Variants in GDAP1 observed in about 807,000 individuals in gnomAD.
GDAP1 encodes ganglioside-induced differentiation-associated protein 1.
Under a neutral mutation model 40.1 loss-of-function variants are expected in GDAP1, and 34 were observed. That is an observed-to-expected ratio of 0.85 (90% CI 0.64 to 1.13). GDAP1 has a LOEUF of 1.13. Among genes scored for constraint, GDAP1 ranks in the 50% most tolerant of loss-of-function variants. GDAP1 has a pLI of 0.00. For synonymous variants in GDAP1, 170 were observed against 157.4 expected, an observed-to-expected ratio of 1.08 and a Z score of -0.60; for missense variants, 374 against 433.7, an observed-to-expected ratio of 0.86 and a Z score of 1.22.
intron 2 of GDAP1, among the ~76,000 whole-genome samples, chr8:74,461,487 A>G (rs1806399690): frequency 6.6e-6 from 1 of 152,240 alleles, no homozygotes; most frequent in Non-Finnish European, 1.5e-5. Flanking sequence ...TTGCCTAAAA[A>G]TAACAACACA....
intron 2 of GDAP1, among the ~76,000 whole-genome samples, chr8:74,477,578 T>G (rs966439292): frequency 2.1e-4 from 32 of 152,178 alleles, no homozygotes; most frequent in African/African-American, 6.8e-4. Context: ...TCAGGACTCC[T>G]AGGCTGTATT....
chr8:74,438,554 G>A (rs990953056), intron 2 of GDAP1, among the ~76,000 whole-genome samples: 3 of 152,184 alleles, frequency 2.0e-5, no homozygotes, highest in Admixed American at 6.5e-5. Context: ...CTTTCCTGAT[G>A]TGTATGTAAA....
intron 2 of GDAP1, among the ~76,000 whole-genome samples, chr8:74,380,048 C>T (rs758855263): frequency 2.0e-5 from 3 of 152,086 alleles, no homozygotes; most frequent in East Asian, 1.9e-4. Context: ...GTGGATTGAC[C>T]GCAGTTTTGA....
intron 2 of GDAP1, among the ~76,000 whole-genome samples, chr8:74,443,794 TTC>T (rs1317011776): frequency 6.6e-6 from 1 of 152,128 alleles, no homozygotes; most frequent in Admixed American, 6.5e-5. Context: ...TGGATCCTCA[TTC>T]CTCACCATTC....
chr8:74,388,217 C>G (rs1361123491), intron 2 of GDAP1, among the ~76,000 whole-genome samples: 1 of 152,074 alleles, frequency 6.6e-6, no homozygotes, highest in Non-Finnish European at 1.5e-5. Flanking sequence ...TTGTCTTCTG[C>G]TAGCTTTTGA....
intron 2 of GDAP1, among the ~76,000 whole-genome samples, chr8:74,358,878 T>C (rs1315747618): frequency 6.6e-6 from 1 of 152,212 alleles, no homozygotes; most frequent in Non-Finnish European, 1.5e-5. Context: ...TCCATGGCAA[T>C]ATCAGGAGTG....
chr8:74,471,455 TTA>T (rs869119673), intron 2 of GDAP1, among the ~76,000 whole-genome samples: 3 of 138,972 alleles, frequency 2.2e-5, no homozygotes, highest in East Asian at 2.1e-4. Context: ...CCTTTTTTTT[TTA>T]AAAAAAATAA....
intron 2 of GDAP1, among the ~76,000 whole-genome samples, chr8:74,393,879 G>A (rs940884791): frequency 6.6e-6 from 1 of 152,118 alleles, no homozygotes; most frequent in African/African-American, 2.4e-5. Flanking sequence ...AACCCTGAAG[G>A]TGGTAGACAC....
At chr8:74,368,819 G>T (rs189342893), downstream of GDAP1, among the ~76,000 whole-genome samples, 138 of 152,260 alleles carry the variant, frequency 9.1e-4, 1 homozygote, top group Non-Finnish European at 9.6e-4. Flanking sequence ...TATCCTGTGT[G>T]TTGTAGGATG....
intron 2 of GDAP1, among the ~76,000 whole-genome samples, chr8:74,393,742 A>G (rs956595589): frequency 2.0e-5 from 3 of 152,214 alleles, no homozygotes; most frequent in Admixed American, 6.5e-5. Flanking sequence ...GAAAAAAACT[A>G]TTGTAAACCT....
At chr8:74,463,029 G>T (rs930858637) in intron 2 of GDAP1, among the ~76,000 whole-genome samples, 2 of 147,142 alleles carry the variant, frequency 1.4e-5, no homozygotes, top group African/African-American at 5.0e-5. Context: ...CTTAGCTTTA[G>T]GGTGGATGAC....
At chr8:74,430,745 G>T (rs908433281) in intron 2 of GDAP1, among the ~76,000 whole-genome samples, 4 of 151,638 alleles carry the variant, frequency 2.6e-5, no homozygotes, top group Non-Finnish European at 4.4e-5. Flanking sequence ...TACAAATCTT[G>T]TGTGTTCAGT....
intron 2 of GDAP1, among the ~76,000 whole-genome samples, chr8:74,472,843 A>C (rs1387463898): frequency 6.6e-6 from 1 of 151,400 alleles, no homozygotes. Context: ...TGCCTCCCAA[A>C]CTCAAGCAGT....
chr8:74,460,537 T>C lies in GDAP1; in HGVS notation c.166-28141T>C, dbSNP rs573419058. Among the ~76,000 whole-genome samples the C allele has an allele frequency of 3.3e-5, 5 of 152,280 alleles. No homozygotes were observed. The South Asian group carries it at 1.0e-3, about 32-fold the overall frequency. On this transcript the variant is annotated intron_variant, in intron 2 of 2. Transcript: ENST00000523640. ...GGGCCTCAGCTAGTAGACTCCTTTATGGGAGGGCCCCTGAAGCTTAAGCTT... is the reference window on the plus strand; with the variant it reads ...GGGCCTCAGCTAGTAGACTCCTTTACGGGAGGGCCCCTGAAGCTTAAGCTT...
At chr8:74,471,362 G>C (rs1401844946) in intron 2 of GDAP1, among the ~76,000 whole-genome samples, 2 of 150,882 alleles carry the variant, frequency 1.3e-5, no homozygotes, top group Non-Finnish European at 3.0e-5. Context: ...TCCCTGATTA[G>C]TTTTGCTAGT....
chr8:74,486,072 G>C (rs1202693471), intron 2 of GDAP1, among the ~76,000 whole-genome samples: 3 of 152,156 alleles, frequency 2.0e-5, no homozygotes, highest in African/African-American at 7.2e-5. Flanking sequence ...GCAAGACTTA[G>C]GCTTGGCTCC....
intron 2 of GDAP1, among the ~76,000 whole-genome samples, chr8:74,459,427 C>T (rs1017624399): frequency 2.6e-5 from 4 of 152,076 alleles, no homozygotes; most frequent in African/African-American, 7.2e-5. Context: ...AGTCCCAGAG[C>T]GACCTCTGTG....
intron 2 of GDAP1, among the ~76,000 whole-genome samples, chr8:74,431,003 G>A (rs1409773192): frequency 7.0e-6 from 1 of 143,324 alleles, no homozygotes; most frequent in Non-Finnish European, 1.5e-5. Context: ...TCCAAATGAA[G>A]TTCATACAGT....
chr8:74,442,258 A>T (rs1806171142), intron 2 of GDAP1, among the ~76,000 whole-genome samples: 1 of 152,210 alleles, frequency 6.6e-6, no homozygotes, highest in African/African-American at 2.4e-5. Flanking sequence ...GTTCTTCCTT[A>T]TAGCAACCCA....
Sources: allele counts gnomAD v4.1 joint callset (sites outside exome capture counted in the v4.1 genomes callset), GRCh38; gene constraint gnomAD v4.1.1; transcripts MANE v1.5; gene names NCBI Gene and HGNC (gene_info 2026-07-23, HGNC 2026-07-21).